The following SRPK2 variants were observed in gnomAD, a reference collection of about 807,000 sequenced individuals.
SRPK2 encodes the protein SRSF protein kinase 2.
A neutral mutation model predicts 90.8 loss-of-function variants in SRPK2; 21 were observed. The observed-to-expected ratio is 0.23, with a 90% confidence interval of 0.16 to 0.33. The LOEUF is 0.33. SRPK2 is among the 10% of genes least tolerant of loss of function. The pLI, the probability that SRPK2 is intolerant of heterozygous loss-of-function variation, is 1.00. For missense variants in SRPK2, 620 were observed against 869.0 expected, an observed-to-expected ratio of 0.71 and a Z score of 3.60; for synonymous variants, 288 against 311.1, an observed-to-expected ratio of 0.93 and a Z score of 0.78.
At chr7:105,155,305 C>A (rs566508091) in intron 7 of SRPK2, among the ~76,000 whole-genome samples, 4 of 152,288 alleles carry the variant, frequency 2.6e-5, no homozygotes, top group African/African-American at 9.6e-5. Context: ...TCTCCACAAT[C>A]AAACTACAAA....
intron 11 of SRPK2, among the ~76,000 whole-genome samples, chr7:105,136,899 G>C (rs975776717): frequency 6.6e-6 from 1 of 152,010 alleles, no homozygotes; most frequent in African/African-American, 2.4e-5. Flanking sequence ...AACACTGTAA[G>C]AAAAAAACAC....
intron 2 of SRPK2, among the ~76,000 whole-genome samples, chr7:105,382,645 G>A (rs1383669140): frequency 6.7e-6 from 1 of 149,924 alleles, no homozygotes; most frequent in East Asian, 2.0e-4. Flanking sequence ...CATGAAAAAA[G>A]GCGAATCACA....
At chr7:105,238,930 A>C (rs757278213) in intron 2 of SRPK2, among the ~76,000 whole-genome samples, 1 of 152,196 alleles carries the variant, frequency 6.6e-6, no homozygotes, top group African/African-American at 2.4e-5. Context: ...AGAACAAAGC[A>C]CGAAGGCAGT....
In SRPK2 at chr7:105,324,302, G is replaced by A. The variant is rs117113397; in HGVS notation, c.71+64346C>T. 2.8e-3 allele frequency among the ~76,000 whole-genome samples: 424 copies of A among 150,866 alleles called. 11 individuals are homozygous for A. The East Asian group carries it at 0.054, about 19-fold the overall frequency. Reference sequence around the variant, plus strand: ...GATTACAGACATGAGCCACTGCGCCGGGCCAACTATTCCCTCCCTCCCTTC... The same window carrying A: ...GATTACAGACATGAGCCACTGCGCCAGGCCAACTATTCCCTCCCTCCCTTC... On this transcript the variant is annotated intron_variant, in intron 2 of 15. Coordinates refer to ENST00000393651, the MANE Select transcript of SRPK2 (RefSeq NM_182692.3).
intron 2 of SRPK2, among the ~76,000 whole-genome samples, chr7:105,206,925 T>G (rs984286733): frequency 2.0e-5 from 3 of 152,226 alleles, no homozygotes; most frequent in African/African-American, 7.2e-5. Flanking sequence ...ATGATTATCT[T>G]TCCTAGGACT....
intron 2 of SRPK2, among the ~76,000 whole-genome samples, chr7:105,363,747 C>A (rs931831762): frequency 6.6e-6 from 1 of 152,054 alleles, no homozygotes; most frequent in Non-Finnish European, 1.5e-5. Context: ...TTTATTATTG[C>A]GGCACTATTC....
At chr7:105,151,428 CACAAAA>C (rs1805631470) in intron 7 of SRPK2, among the ~76,000 whole-genome samples, 1 of 152,178 alleles carries the variant, frequency 6.6e-6, no homozygotes. Flanking sequence ...ACGGAAAACT[CACAAAA>C]ACAAAGTCTA....
chr7:105,178,985 G>A (rs1252659619), intron 3 of SRPK2, among the ~76,000 whole-genome samples: 1 of 152,062 alleles, frequency 6.6e-6, no homozygotes, highest in African/African-American at 2.4e-5. Flanking sequence ...AATGTAAATT[G>A]TGCTTTAAAT....
chr7:105,125,129 CAAAAAAAAAAA>C (rs61616576), intron 15 of SRPK2, among the ~76,000 whole-genome samples: 11 of 88,100 alleles, frequency 1.2e-4, no homozygotes, highest in South Asian at 4.0e-4. Flanking sequence ...GACTCCATCT[CAAAAAAAAAAA>C]AAAAAAAAAG....
At chr7:105,184,686 G>T (rs937424469) in intron 3 of SRPK2, among the ~76,000 whole-genome samples, 2 of 152,104 alleles carry the variant, frequency 1.3e-5, no homozygotes, top group Non-Finnish European at 2.9e-5. Context: ...TATAATGAAG[G>T]TCAGTTTGGC....
At chr7:105,313,271 C>A (rs966863090) in intron 2 of SRPK2, among the ~76,000 whole-genome samples, 2 of 151,068 alleles carry the variant, frequency 1.3e-5, no homozygotes, top group Admixed American at 1.3e-4. Flanking sequence ...CATGGTAAAA[C>A]CCCATCTCTA....
At chr7:105,140,909 C>T (rs906163061) in intron 11 of SRPK2, among the ~76,000 whole-genome samples, 1 of 151,314 alleles carries the variant, frequency 6.6e-6, no homozygotes, top group African/African-American at 2.4e-5. Flanking sequence ...TGCAGTGAGC[C>T]GAGATCGCGC....
intron 7 of SRPK2, among the ~76,000 whole-genome samples, chr7:105,147,359 C>A (rs1205719445): frequency 1.3e-5 from 2 of 151,994 alleles, no homozygotes. Context: ...GCTCTGTCAC[C>A]CAGGCTGGAG....
intron 2 of SRPK2, among the ~76,000 whole-genome samples, chr7:105,334,838 A>AC (rs938020895): frequency 6.7e-6 from 1 of 149,826 alleles, no homozygotes; most frequent in African/African-American, 2.5e-5. Flanking sequence ...ACAGACCAAA[A>AC]AAAAAAAAAA....
chr7:105,165,593 T>C (rs1044437336), intron 6 of SRPK2, among the ~76,000 whole-genome samples: 1 of 151,980 alleles, frequency 6.6e-6, no homozygotes, highest in African/African-American at 2.4e-5. Flanking sequence ...TCTAAAGGAT[T>C]GTAAATGCAC....
intron 2 of SRPK2, among the ~76,000 whole-genome samples, chr7:105,205,513 T>TCACACACA (rs1246518475): frequency 3.3e-5 from 2 of 61,174 alleles, no homozygotes; most frequent in Non-Finnish European, 6.4e-5. Flanking sequence ...TCTCTCTCTC[T>TCACACACA]CTCTCACACA....
At chr7:105,276,334 C>A (rs1316890579) in intron 2 of SRPK2, among the ~76,000 whole-genome samples, 1 of 152,096 alleles carries the variant, frequency 6.6e-6, no homozygotes, top group East Asian at 1.9e-4. Context: ...CCACCTTGGC[C>A]CCCTCAAAGT....
At chr7:105,278,504 C>T (rs1806817415) in intron 2 of SRPK2, among the ~76,000 whole-genome samples, 1 of 134,060 alleles carries the variant, frequency 7.5e-6, no homozygotes, top group Non-Finnish European at 1.6e-5. Context: ...TGAACCCCAT[C>T]TCTAATAAAA....
At position 105,388,685 on chromosome 7, in the gene SRPK2, G is replaced by A; in HGVS notation, c.34C>T (p.Arg12Ter). 1.3e-6 allele frequency: 2 copies of A among 1,588,096 alleles called. No homozygotes were observed. The highest frequency in any genetic ancestry group is 1.7e-6 in the Non-Finnish European group (2 of 1,166,892). Residue 12 changes from arginine to a stop codon, truncating the protein, a stop_gained, in exon 2 of 16, where the codon CGA becomes TGA. Transcript: ENST00000393651. LOFTEE classifies it high-confidence loss of function. ...TTCTCTCTTTTCGGCCTCCGCTTTCGGGCCTGAATGGCCAGCACTGGGGAA... is the reference window on the plus strand; with the variant it reads ...TTCTCTCTTTTCGGCCTCCGCTTTCAGGCCTGAATGGCCAGCACTGGGGAA... ...SSRKVLAIQA[R>*]KRRPKREKHP...
Sources: allele counts gnomAD v4.1 joint callset (sites outside exome capture counted in the v4.1 genomes callset), GRCh38; gene constraint gnomAD v4.1.1; transcripts MANE v1.5; gene names NCBI Gene and HGNC (gene_info 2026-07-23, HGNC 2026-07-21).